HECW2: variants seen among roughly 807,000 people sequenced by gnomAD.
The protein encoded by HECW2 is E3 ubiquitin-protein ligase HECW2.
A neutral mutation model predicts 175.2 loss-of-function variants in HECW2; 61 were observed. That is an observed-to-expected ratio of 0.35 (90% CI 0.28 to 0.43). The LOEUF is 0.43. Among genes scored for constraint, HECW2 ranks in the 20% least tolerant of loss-of-function variants. The pLI is 1.00. For missense variants in HECW2, 1,524 were observed against 2,000.5 expected (o/e 0.76, Z 4.54); for synonymous variants, 671 against 731.0 (o/e 0.92, Z 1.32).
chr2:196,515,362 G>C lies in HECW2; in HGVS notation c.-36+78146C>G, dbSNP rs561629892. Among the ~76,000 whole-genome samples, 6 of 152,374 alleles carry C rather than the reference G, an allele frequency of 3.9e-5. No individual in the cohort carries two copies. In the South Asian group the frequency reaches 1.2e-3, roughly 32 times the overall value. ...GGGCCAAGTGGGCAGAATAAGCCCA[G>C]CAGGCGCAAACAAAACTCAGGCAGA... is the stretch of plus-strand genomic sequence containing the variant. On this transcript the variant is annotated intron_variant, in intron 1 of 28. Transcript: ENST00000644978.
At chr2:196,348,653 A>G (rs1693053679) in intron 2 of HECW2, among the ~76,000 whole-genome samples, 1 of 152,184 alleles carries the variant, frequency 6.6e-6, no homozygotes, top group Non-Finnish European at 1.5e-5. Flanking sequence ...AACTCAAAAA[A>G]AAGAACAATA....
At chr2:196,435,463 T>C (rs1378037095) in intron 1 of HECW2, among the ~76,000 whole-genome samples, 1 of 152,142 alleles carries the variant, frequency 6.6e-6, no homozygotes, top group Non-Finnish European at 1.5e-5. Context: ...TGTAGTTGAA[T>C]AAAAAATGCA....
chr2:196,526,722 T>C lies in HECW2; in HGVS notation c.-36+66786A>G, dbSNP rs551158814. ...GACAGGACCCTCAGCTGCAGGTCTG[T>C]TGGAATACCCTGCCCTGTGAGGTGT... On this transcript the variant is annotated intron_variant, in intron 1 of 28. Coordinates refer to ENST00000644978, the MANE Select transcript of HECW2 (RefSeq NM_001348768.2). Among the ~76,000 whole-genome samples, 12 of 151,610 alleles carry C rather than the reference T, an allele frequency of 7.9e-5. No individual in the cohort carries two copies. In the East Asian group the frequency reaches 2.3e-3, roughly 29 times the overall value.
chr2:196,362,846 G>C (rs1693636694), intron 2 of HECW2, among the ~76,000 whole-genome samples: 1 of 152,110 alleles, frequency 6.6e-6, no homozygotes, highest in Admixed American at 6.6e-5. Context: ...CAATTACAAG[G>C]TGCTGGTTTA....
chr2:196,314,837 C>T (rs901367221), intron 10 of HECW2, among the ~76,000 whole-genome samples: 3 of 152,168 alleles, frequency 2.0e-5, no homozygotes, highest in Non-Finnish European at 4.4e-5. Context: ...CAGCCAGACA[C>T]CCCAAGCTGA....
At chr2:196,533,403 A>G (rs1369530116) in intron 1 of HECW2, among the ~76,000 whole-genome samples, 1 of 152,188 alleles carries the variant, frequency 6.6e-6, no homozygotes, top group African/African-American at 2.4e-5. Context: ...CTCAACCACC[A>G]CAAATGAAAC....
chr2:196,333,249 A>G (rs1692434243), intron 4 of HECW2, among the ~76,000 whole-genome samples: 1 of 152,104 alleles, frequency 6.6e-6, no homozygotes, highest in Non-Finnish European at 1.5e-5. Flanking sequence ...TACGAGATCA[A>G]TGACGGCGTT....
intron 4 of HECW2, among the ~76,000 whole-genome samples, chr2:196,333,833 C>A (rs1692454875): frequency 6.6e-6 from 1 of 152,200 alleles, no homozygotes; most frequent in Non-Finnish European, 1.5e-5. Flanking sequence ...GTTTCTTCAA[C>A]TGAAGGCCTG....
intron 2 of HECW2, among the ~76,000 whole-genome samples, chr2:196,401,936 C>CA (rs1333755289): frequency 6.6e-6 from 1 of 152,032 alleles, no homozygotes; most frequent in Non-Finnish European, 1.5e-5. Context: ...CGCGGTGGCT[C>CA]ACGCCTGTAA....
intron 1 of HECW2, among the ~76,000 whole-genome samples, chr2:196,544,674 G>A (rs893886145): frequency 1.3e-5 from 2 of 152,196 alleles, no homozygotes; most frequent in Non-Finnish European, 2.9e-5. Flanking sequence ...CAGGTCCCTG[G>A]AGAGTATTTC....
chr2:196,533,113 GTTTGT>G (rs1359263478), intron 1 of HECW2, among the ~76,000 whole-genome samples: 1 of 152,162 alleles, frequency 6.6e-6, no homozygotes, highest in Non-Finnish European at 1.5e-5. Flanking sequence ...TCTTAGTCAT[GTTTGT>G]TTTAAGACCA....
intron 10 of HECW2, among the ~76,000 whole-genome samples, chr2:196,308,491 A>G (rs1489633863): frequency 6.6e-6 from 1 of 152,202 alleles, no homozygotes; most frequent in Non-Finnish European, 1.5e-5. Flanking sequence ...TCTAGCTTCA[A>G]TGAAAGCCTC....
chr2:196,244,855 C>A (rs1406457873), intron 19 of HECW2, among the ~76,000 whole-genome samples: 1 of 152,078 alleles, frequency 6.6e-6, no homozygotes, highest in Non-Finnish European at 1.5e-5. Flanking sequence ...AGGGTTGGAG[C>A]CAAATTATGA....
At chr2:196,398,073 A>C (rs1694718745) in intron 2 of HECW2, among the ~76,000 whole-genome samples, 1 of 128,136 alleles carries the variant, frequency 7.8e-6, no homozygotes, top group African/African-American at 2.5e-5. Context: ...GACACAATAG[A>C]AGGGGAAAAA....
At chr2:196,417,990 A>G (rs1316345436) in intron 2 of HECW2, among the ~76,000 whole-genome samples, 1 of 152,200 alleles carries the variant, frequency 6.6e-6, no homozygotes, top group Non-Finnish European at 1.5e-5. Flanking sequence ...TAGTTAATTT[A>G]ATGTAAATTC....
At chr2:196,244,566 C>G (rs969570602) in intron 19 of HECW2, among the ~76,000 whole-genome samples, 1 of 152,062 alleles carries the variant, frequency 6.6e-6, no homozygotes, top group Non-Finnish European at 1.5e-5. Flanking sequence ...CCCCCCAAGC[C>G]CCGCAAGCAT....
chr2:196,583,288 A>G (rs1028329984), intron 1 of HECW2, among the ~76,000 whole-genome samples: 3 of 152,210 alleles, frequency 2.0e-5, no homozygotes, highest in African/African-American at 7.2e-5. Context: ...ATTCCAGATC[A>G]CATGGCAGAA....
intron 1 of HECW2, among the ~76,000 whole-genome samples, chr2:196,490,566 A>G (rs1192850602): frequency 6.6e-6 from 1 of 152,176 alleles, no homozygotes; most frequent in Non-Finnish European, 1.5e-5. Context: ...TTAAACATAC[A>G]TTTACCATAA....
intron 1 of HECW2, among the ~76,000 whole-genome samples, chr2:196,559,105 C>T (rs1358780248): frequency 6.6e-6 from 1 of 152,182 alleles, no homozygotes; most frequent in Non-Finnish European, 1.5e-5. Flanking sequence ...AACTAATAAG[C>T]AGGAGAGCTG....
Sources: gnomAD v4.1 joint callset for allele counts (sites outside exome capture counted in the v4.1 genomes callset) on GRCh38, gnomAD v4.1.1 for gene constraint, MANE v1.5 for transcripts, NCBI Gene and HGNC (gene_info 2026-07-23, HGNC 2026-07-21) for gene names.